NELL2: variants seen among roughly 807,000 people sequenced by gnomAD.
The protein encoded by NELL2 is protein kinase C-binding protein NELL2.
NELL2 carries 41 observed loss-of-function variants against 109.6 expected under a neutral mutation model. The ratio of observed to expected loss-of-function variants is 0.37; its 90% CI spans 0.29 to 0.49. The LOEUF is 0.49. NELL2 is among the 20% of genes least tolerant of loss of function. NELL2 has a pLI of 0.98. For synonymous variants in NELL2, 355 were observed against 344.7 expected (o/e 1.03, Z -0.33); for missense variants, 900 against 1,008.3 (o/e 0.89, Z 1.45).
intron 15 of NELL2, among the ~76,000 whole-genome samples, chr12:44,577,575 T>A (rs989474050): frequency 6.7e-6 from 1 of 149,142 alleles, no homozygotes; most frequent in Non-Finnish European, 1.5e-5. Context: ...CCTCCCGGGT[T>A]CACACCATTC....
intron 15 of NELL2, 120 bp downstream of exon 15, chr12:44,607,049 C>T (rs946311985): frequency 2.5e-6 from 2 of 790,282 alleles, no homozygotes; most frequent in African/African-American, 3.6e-5. Context: ...CTATCACTTC[C>T]TTATTAATAG....
At chr12:44,903,588 C>A (rs774582016) in intron 1 of NELL2, among the ~76,000 whole-genome samples, 2 of 152,080 alleles carry the variant, frequency 1.3e-5, no homozygotes, top group African/African-American at 2.4e-5. Context: ...TACATGCACA[C>A]GTATGTTTAT....
chr12:44,532,853 G>A (rs1942143786), intron 15 of NELL2, 132 bp from the exon 16 acceptor site: 1 of 821,072 alleles, frequency 1.2e-6, no homozygotes, highest in African/African-American at 1.7e-5. Flanking sequence ...AATTAAGAAA[G>A]TCTACTTGTT....
chr12:44,715,969 TA>T (rs1938464758), intron 9 of NELL2, among the ~76,000 whole-genome samples: 1 of 152,102 alleles, frequency 6.6e-6, no homozygotes, highest in Admixed American at 6.6e-5. Context: ...TTTTATTATT[TA>T]TTTTTTTCTT....
chr12:44,658,671 T>A (rs1947601261), intron 13 of NELL2, among the ~76,000 whole-genome samples: 1 of 151,580 alleles, frequency 6.6e-6, no homozygotes, highest in African/African-American at 2.4e-5. Context: ...GGTCAGGAGA[T>A]CGAGACCATC....
chr12:44,876,826 G>A (rs1017381040), upstream of NELL2: 62 of 1,330,048 alleles, frequency 4.7e-5, no homozygotes, highest in African/African-American at 1.6e-4. Context: ...CACTGCCGAG[G>A]TGGAGCTGGG....
intron 9 of NELL2, among the ~76,000 whole-genome samples, chr12:44,735,529 C>A (rs1939595221): frequency 6.6e-6 from 1 of 152,156 alleles, no homozygotes; most frequent in Admixed American, 6.6e-5. Flanking sequence ...TTTGGAATTC[C>A]AGCTTATTGT....
At chr12:44,781,192 G>GA (rs1005214550) in intron 3 of NELL2, among the ~76,000 whole-genome samples, 12 of 150,934 alleles carry the variant, frequency 8.0e-5, no homozygotes, top group African/African-American at 2.9e-4. Context: ...AGAAAAATGG[G>GA]AAAAAAAATT....
At chr12:44,551,117 T>C (rs2136165921) in intron 15 of NELL2, among the ~76,000 whole-genome samples, 1 of 152,290 alleles carries the variant, frequency 6.6e-6, no homozygotes, top group South Asian at 2.1e-4. Context: ...CACAAGTATA[T>C]ATGTATCCCT....
At chr12:44,605,138 G>A (rs962281646) in intron 15 of NELL2, among the ~76,000 whole-genome samples, 1 of 151,992 alleles carries the variant, frequency 6.6e-6, no homozygotes, top group Non-Finnish European at 1.5e-5. Context: ...TGGATTTAAG[G>A]CCCCCCAAAG....
chr12:44,635,143 T>G (rs1286970536), intron 13 of NELL2, among the ~76,000 whole-genome samples: 1 of 152,194 alleles, frequency 6.6e-6, no homozygotes. Context: ...GTTTTTTTCT[T>G]GAAAATTTGT....
intron 3 of NELL2, among the ~76,000 whole-genome samples, chr12:44,814,966 C>G (rs1205490856): frequency 6.6e-6 from 1 of 151,962 alleles, no homozygotes; most frequent in East Asian, 1.9e-4. Context: ...TTCTTTAATC[C>G]TCACAACAAC....
intron 15 of NELL2, among the ~76,000 whole-genome samples, chr12:44,565,787 G>T (rs1192611859): frequency 2.6e-5 from 4 of 152,198 alleles, no homozygotes; most frequent in African/African-American, 9.6e-5. Context: ...CTCAGTTACA[G>T]ATTATAATGA....
intron 9 of NELL2, among the ~76,000 whole-genome samples, chr12:44,769,950 C>A (rs1029294250): frequency 2.0e-5 from 3 of 152,094 alleles, no homozygotes; most frequent in African/African-American, 7.2e-5. Flanking sequence ...TGGGTTTCAA[C>A]CTTGATTAAG....
intron 15 of NELL2, among the ~76,000 whole-genome samples, chr12:44,555,389 A>G (rs1490617801): frequency 6.6e-6 from 1 of 152,170 alleles, no homozygotes; most frequent in African/African-American, 2.4e-5. Context: ...ATGCTCCTAG[A>G]GTAGGGAGTA....
intron 12 of NELL2, among the ~76,000 whole-genome samples, chr12:44,682,764 T>C (rs993800465): frequency 2.6e-5 from 4 of 152,206 alleles, no homozygotes; most frequent in Admixed American, 2.6e-4. Flanking sequence ...CTCTGTTCCG[T>C]TCCATTGATC....
chr12:44,731,979 G>T (rs1017780586), intron 9 of NELL2, among the ~76,000 whole-genome samples: 1 of 151,874 alleles, frequency 6.6e-6, no homozygotes, highest in Admixed American at 6.6e-5. Flanking sequence ...ATTTACAATA[G>T]CATCAATAAT....
Position 44,816,626 on chromosome 12 carries a change from G to T in NELL2, c.185-490C>A, listed in dbSNP as rs558937438. ...ATTGGTTTCTTCAGCCAGAAGGTTT[G>T]CTATAAATAGATTTTTAAAAGATCA... On this transcript the variant is annotated intron_variant, in intron 2 of 19. Coordinates refer to ENST00000429094, the MANE Select transcript of NELL2 (RefSeq NM_001145108.2). Among the ~76,000 whole-genome samples, 216 of 152,280 alleles carry T rather than the reference G, an allele frequency of 1.4e-3. 2 individuals carry two copies. The highest frequency in any genetic ancestry group is 1.8e-4 in the Non-Finnish European group (12 of 68,028).
At chr12:44,609,609 G>A (rs953029870) in intron 14 of NELL2, among the ~76,000 whole-genome samples, 1 of 152,024 alleles carries the variant, frequency 6.6e-6, no homozygotes, top group Non-Finnish European at 1.5e-5. Flanking sequence ...GATTTGTTTA[G>A]TTTTTCCAAG....
Sources: allele counts gnomAD v4.1 joint callset (sites outside exome capture counted in the v4.1 genomes callset), GRCh38; gene constraint gnomAD v4.1.1; transcripts MANE v1.5; gene names NCBI Gene and HGNC (gene_info 2026-07-23, HGNC 2026-07-21).